Variants in DIP2C observed in about 807,000 individuals in gnomAD.
DIP2C encodes the protein DIP2 acetate--CoA ligase C (putative), also known as disco-interacting protein 2 homolog C.
A neutral mutation model predicts 192.4 loss-of-function variants in DIP2C; 33 were observed. The observed-to-expected ratio is 0.17, with a 90% CI of 0.13 to 0.23. DIP2C has a LOEUF of 0.23. Ranked by LOEUF, DIP2C falls within the 10% of genes least tolerant of loss-of-function variation. The probability of loss-of-function intolerance (pLI) is 1.00; values close to 1 mark genes in which losing one functional copy is unlikely to be tolerated. For synonymous variants in DIP2C, 979 were observed against 864.1 expected, an observed-to-expected ratio of 1.13 and a Z score of -2.33; for missense variants, 1,537 against 2,110.1, an observed-to-expected ratio of 0.73 and a Z score of 5.32.
In DIP2C at chr10:297,330, T is replaced by C. The variant is rs1955809902; in HGVS notation, c.3987-8909A>G. 2.9e-5 allele frequency among the ~76,000 whole-genome samples: 4 copies of C among 139,864 alleles called. No homozygotes were observed. The South Asian group carries it at 9.5e-4, about 33-fold the overall frequency. 91.8% of individuals were successfully genotyped at this position (139,864 alleles called of 152,430 possible). On this transcript the variant is annotated intron_variant, in intron 32 of 36. Transcript: ENST00000280886. ...CAACAATCCCACTACTGGGCGCCTA[T>C]CCAAAGGAAATGAAATCATCAGTGT...
At chr10:541,274 C>A (rs1248270656) in intron 1 of DIP2C, among the ~76,000 whole-genome samples, 1 of 152,182 alleles carries the variant, frequency 6.6e-6, no homozygotes, top group African/African-American at 2.4e-5. Context: ...GACACACACA[C>A]CCTGCCGAGG....
chr10:484,799 G>A, intron 2 of DIP2C: 2 of 1,611,330 alleles, frequency 1.2e-6, no homozygotes, highest in Non-Finnish European at 1.7e-6. Flanking sequence ...AAGTAAAACA[G>A]AGGCCGGTTC....
chr10:491,512 C>G (rs966073358), intron 1 of DIP2C, among the ~76,000 whole-genome samples: 6 of 152,182 alleles, frequency 3.9e-5, no homozygotes, highest in African/African-American at 1.4e-4. Flanking sequence ...CCGGTGACAG[C>G]TCCTGTGTGT....
intron 1 of DIP2C, among the ~76,000 whole-genome samples, chr10:520,167 C>T (rs554775884): frequency 2.6e-5 from 4 of 152,262 alleles, no homozygotes; most frequent in Admixed American, 6.5e-5. Flanking sequence ...CAAAGGTTTC[C>T]GAGAACCAAG....
chr10:564,134 G>T (rs1043989143), intron 1 of DIP2C, among the ~76,000 whole-genome samples: 1 of 152,130 alleles, frequency 6.6e-6, no homozygotes, highest in Non-Finnish European at 1.5e-5. Flanking sequence ...CAAATTCTCA[G>T]ACCCTGTGAG....
chr10:531,011 C>T (rs1296948035), intron 1 of DIP2C, among the ~76,000 whole-genome samples: 2 of 152,176 alleles, frequency 1.3e-5, no homozygotes, highest in Admixed American at 6.5e-5. Context: ...AGAAGGGCGT[C>T]GTGAGCATCC....
At chr10:511,992 A>G (rs1846044121) in intron 1 of DIP2C, among the ~76,000 whole-genome samples, 1 of 152,144 alleles carries the variant, frequency 6.6e-6, no homozygotes, top group African/African-American at 2.4e-5. Context: ...GCCCTCGGTA[A>G]AAGCGTGAGC....
chr10:376,218 A>T (rs944040786), intron 17 of DIP2C, among the ~76,000 whole-genome samples: 1 of 151,700 alleles, frequency 6.6e-6, no homozygotes. Flanking sequence ...CAGGCGCGAG[A>T]GCAGCGAGAT....
At chr10:595,275 GTTC>G (rs1391712712) in intron 1 of DIP2C, among the ~76,000 whole-genome samples, 1 of 152,088 alleles carries the variant, frequency 6.6e-6, no homozygotes, top group African/African-American at 2.4e-5. Context: ...AAAACTTCAG[GTTC>G]TTATTAGTTC....
rs542173391 is a variant in DIP2C at position 366,100 on chromosome 10, TAAAAC to T, written c.2268+170_2268+174del. ...GGTTATAAGGTCAGAACAATGCTGATAAAACAAATTTATCAAAAGCGATAAAAAGT... is the reference window on the plus strand; with the variant it reads ...GGTTATAAGGTCAGAACAATGCTGATAAATTTATCAAAAGCGATAAAAAGT... On this transcript the variant is annotated intron_variant, in intron 19 of 36. Transcript: ENST00000280886. Among the ~76,000 whole-genome samples, 206 of 152,372 alleles carry T rather than the reference TAAAAC, an allele frequency of 1.4e-3. 2 individuals are homozygous for T. Among genetic ancestry groups the T allele is most frequent in the Non-Finnish European group, 3.7e-4 (25 of 68,034 alleles).
rs567765954 is a variant in DIP2C at position 298,419 on chromosome 10, T to C, written c.3987-9998A>G. The stretch of plus-strand genomic sequence containing the variant: ...CTCATCACTGATGGTGACCTCGCAC[T>C]TAGCTGGGTCACGTTTGCAGGTTTT... On this transcript the variant is annotated intron_variant, in intron 32 of 36. Transcript: ENST00000280886. Among the ~76,000 whole-genome samples the C allele has an allele frequency of 6.6e-5, 10 of 152,334 alleles. No homozygotes were observed. The East Asian group carries it at 1.9e-3, about 29-fold the overall frequency.
intron 1 of DIP2C, among the ~76,000 whole-genome samples, chr10:620,450 C>T (rs1329863355): frequency 2.0e-5 from 3 of 152,134 alleles, no homozygotes; most frequent in Non-Finnish European, 4.4e-5. Flanking sequence ...GCACCCATTC[C>T]TAGGGGGCCT....
chr10:423,178 A>G, intron 4 of DIP2C, 145 bp from the exon 5 acceptor site: 1 of 728,884 alleles, frequency 1.4e-6, no homozygotes, highest in Non-Finnish European at 2.2e-6. Context: ...AAGTTAAACC[A>G]CGTTTCAGAT....
intron 1 of DIP2C, among the ~76,000 whole-genome samples, chr10:614,353 C>G (rs1029120789): frequency 3.3e-5 from 5 of 152,230 alleles, no homozygotes; most frequent in Non-Finnish European, 5.9e-5. Flanking sequence ...CCCCAGCCCC[C>G]GCCAGGCCTG....
Position 658,975 on chromosome 10 carries a change from T to C in DIP2C, c.85+30519A>G, listed in dbSNP as rs546120401. On this transcript the variant is annotated intron_variant, in intron 1 of 36. Coordinates refer to ENST00000280886, the MANE Select transcript of DIP2C (RefSeq NM_014974.3). ...CAGACACATATCTCACACACACACA[T>C]GCGCACACACACATACATGCAATAC... 3.3e-5 allele frequency among the ~76,000 whole-genome samples: 5 copies of C among 152,096 alleles called. No homozygotes were observed. In the South Asian group the frequency reaches 8.3e-4, roughly 25 times the overall value.
intron 1 of DIP2C, among the ~76,000 whole-genome samples, chr10:533,073 C>CAT (rs1301944730): frequency 6.6e-6 from 1 of 152,154 alleles, no homozygotes; most frequent in Non-Finnish European, 1.5e-5. Flanking sequence ...ACCCCACTTA[C>CAT]ATAGATCCCA....
At chr10:639,632 C>A (rs954847847) in intron 1 of DIP2C, among the ~76,000 whole-genome samples, 1 of 152,240 alleles carries the variant, frequency 6.6e-6, no homozygotes, top group Non-Finnish European at 1.5e-5. Context: ...ATGGCAAGCT[C>A]GCCTTGGAGG....
chr10:384,298 T>G (rs1385383923), intron 15 of DIP2C, 152 bp from the exon 16 acceptor site: 26 of 885,238 alleles, frequency 2.9e-5, no homozygotes, highest in Non-Finnish European at 4.0e-5. Context: ...TTTTTTTTTT[T>G]TGTGATCTTG....
At chr10:558,795 C>G (rs1404132755) in intron 1 of DIP2C, among the ~76,000 whole-genome samples, 1 of 152,178 alleles carries the variant, frequency 6.6e-6, no homozygotes, top group African/African-American at 2.4e-5. Context: ...TTTAAGTTAA[C>G]AGAGGCAACA....
Sources: allele counts gnomAD v4.1 joint callset (sites outside exome capture counted in the v4.1 genomes callset), GRCh38; gene constraint gnomAD v4.1.1; transcripts MANE v1.5; gene names NCBI Gene and HGNC (gene_info 2026-07-23, HGNC 2026-07-21).